The following VWC2 variants were observed in gnomAD, a reference collection of about 807,000 sequenced individuals.
VWC2 encodes the protein von Willebrand factor C domain containing 2.
VWC2 carries 14 observed loss-of-function variants against 29.8 expected under a neutral mutation model. The ratio of observed to expected loss-of-function variants is 0.47; its 90% CI spans 0.31 to 0.74. VWC2 has a LOEUF of 0.74. Among genes scored for constraint, VWC2 ranks in the 30% least tolerant of loss-of-function variants. The pLI is 0.05. For synonymous variants in VWC2, 213 were observed against 199.0 expected (o/e 1.07, Z -0.59); for missense variants, 457 against 459.8 (o/e 0.99, Z 0.05).
At position 49,856,079 on chromosome 7, in the gene VWC2, C is replaced by T. The variant is rs181889645; in HGVS notation, c.826+53239C>T. Among the ~76,000 whole-genome samples, 159 of 152,258 alleles carry T rather than the reference C, an allele frequency of 1.0e-3. 2 individuals carry two copies. Among genetic ancestry groups the T allele is most frequent in the African/African-American group, 3.8e-3 (157 of 41,544 alleles). On this transcript the variant is annotated intron_variant, in intron 3 of 3. Coordinates refer to ENST00000340652, the MANE Select transcript of VWC2 (RefSeq NM_198570.5). ...CAGGGCTGATGTTCCCTTCTGTCCC[C>T]GGAAACACCACCCTACTGGGAGGCA...
At chr7:49,878,749 C>T (rs1245420116) in intron 3 of VWC2, among the ~76,000 whole-genome samples, 1 of 152,120 alleles carries the variant, frequency 6.6e-6, no homozygotes, top group Non-Finnish European at 1.5e-5. Context: ...TCCTGTACTG[C>T]TGATATTTTA....
rs745714495 is a variant in VWC2 at position 49,921,720 on chromosome 7, AT to A, written c.*9538del. The A allele has an allele frequency of 9.9e-5, 15 of 152,204 alleles. No homozygotes were observed. Among genetic ancestry groups the A allele is most frequent in the Non-Finnish European group, 2.1e-4 (14 of 68,050 alleles). The allele number at this position is 152,204 out of a possible 1,614,324, so 9.4% of individuals were successfully genotyped here. A position where few individuals can be genotyped will look rare whatever the true frequency, so the allele number is the denominator to read the frequency against. ...TTTTGAAGATTCTAATAAATGAATA[AT>A]TTAATTTAGTGCTCATTTGAAAAAT... On this transcript the variant is annotated 3_prime_UTR_variant, in exon 4 of 4. Transcript: ENST00000340652.
At chr7:49,822,450 T>C (rs1324349113) in intron 3 of VWC2, among the ~76,000 whole-genome samples, 1 of 152,156 alleles carries the variant, frequency 6.6e-6, no homozygotes, top group East Asian at 1.9e-4. Flanking sequence ...TGTTTTTTGT[T>C]TGAGACGGAG....
rs1273873692 is a variant in VWC2, at chr7:49,912,777, T to C, written c.*592T>C. 2 of 152,428 alleles carry C rather than the reference T, an allele frequency of 1.3e-5. No individual in the cohort carries two copies. Among genetic ancestry groups the C allele is most frequent in the African/African-American group, 4.8e-5 (2 of 41,476 alleles). 9.4% of individuals were successfully genotyped at this position (152,428 alleles called of 1,614,324 possible). The stretch of plus-strand genomic sequence containing the variant: ...TAATATATGGCTTTTATCTGCTTCA[T>C]TCTCAGTCACTTGTGAAATGCAGGT... On this transcript the variant is annotated 3_prime_UTR_variant, in exon 4 of 4. Coordinates refer to ENST00000340652, the MANE Select transcript of VWC2 (RefSeq NM_198570.5).
chr7:49,888,649 C>T (rs1006439444), intron 3 of VWC2, among the ~76,000 whole-genome samples: 1 of 152,006 alleles, frequency 6.6e-6, no homozygotes, highest in Non-Finnish European at 1.5e-5. Flanking sequence ...GGTGGCTCAC[C>T]GCTGTAATCC....
At position 49,872,798 on chromosome 7, in the gene VWC2, C is replaced by T. The variant is rs576781939; in HGVS notation, c.827-39236C>T. 4.1e-5 allele frequency among the ~76,000 whole-genome samples: 6 copies of T among 147,858 alleles called. No individual in the cohort carries two copies. The South Asian group carries it at 1.1e-3, about 27-fold the overall frequency. On this transcript the variant is annotated intron_variant, in intron 3 of 3. Transcript: ENST00000340652. ...CGGTGTGGTGGCACACACCTGTAAT[C>T]CCAGCAACTTGGGATGTTGAAACAG...
At chr7:49,795,026 A>G (rs1414592571) in intron 2 of VWC2, among the ~76,000 whole-genome samples, 2 of 152,148 alleles carry the variant, frequency 1.3e-5, no homozygotes. Flanking sequence ...CCCTAACCAG[A>G]CTGAGCATTT....
chr7:49,827,429 T>TTATATTTGGTATAAAATTTGG (rs1554332711), intron 3 of VWC2, among the ~76,000 whole-genome samples: 2 of 141,646 alleles, frequency 1.4e-5, no homozygotes, highest in Non-Finnish European at 3.1e-5. Context: ...TTTTGGTATT[T>TTATATTTGGTATAAAATTTGG]TATACCAAAT....
intron 3 of VWC2, among the ~76,000 whole-genome samples, chr7:49,805,975 A>G (rs1299603551): frequency 6.6e-6 from 1 of 152,254 alleles, no homozygotes; most frequent in East Asian, 1.9e-4. Flanking sequence ...TTGAATATAA[A>G]TAAATGATCA....
chr7:49,829,584 G>T (rs1352540158), intron 3 of VWC2, among the ~76,000 whole-genome samples: 1 of 152,208 alleles, frequency 6.6e-6, no homozygotes, highest in Non-Finnish European at 1.5e-5. Context: ...TCCATGGCTG[G>T]TGCTCTTCTG....
rs564651715 is a variant in VWC2, at chr7:49,780,381, CA to C, written c.696+4251del. On this transcript the variant is annotated intron_variant, in intron 2 of 3. Transcript: ENST00000340652. Reference sequence around the variant, plus strand: ...GTTGTAAATTTTGCCTCAGTGGCCACATGATTTGTTCAGAAGCAAATCACAT... The same window carrying C: ...GTTGTAAATTTTGCCTCAGTGGCCACTGATTTGTTCAGAAGCAAATCACAT... 1.1e-4 allele frequency among the ~76,000 whole-genome samples: 17 copies of C among 152,208 alleles called. No homozygotes were observed. In the East Asian group the frequency reaches 2.3e-3, roughly 21 times the overall value.
At chr7:49,888,929 A>C (rs988191192) in intron 3 of VWC2, among the ~76,000 whole-genome samples, 2 of 152,030 alleles carry the variant, frequency 1.3e-5, no homozygotes, top group African/African-American at 4.8e-5. Context: ...ACAAAAACAA[A>C]AACAAAAAAA....
chr7:49,806,161 GT>G (rs1452374933), intron 3 of VWC2, among the ~76,000 whole-genome samples: 1 of 151,786 alleles, frequency 6.6e-6, no homozygotes. Flanking sequence ...CTTTTCTCTG[GT>G]GATAGGTGCA....
At position 49,775,602 on chromosome 7, in the gene VWC2, C is replaced by T. The variant is rs1788033269; in HGVS notation, c.167C>T (p.Pro56Leu). ...CGTGAGCACGCCTCTCGGGACGGCC[C>T]GGGGCGGGTGAACGAGCTCGGGCGC... is the stretch of plus-strand genomic sequence containing the variant. ...EKREHASRDG[P>L]GRVNELGRPA... Residue 56 changes from proline to leucine, a missense_variant, in exon 2 of 4, where the codon CCG becomes CTG. Coordinates refer to ENST00000340652, the MANE Select transcript of VWC2 (RefSeq NM_198570.5). 6.5e-7 allele frequency: 1 copy of T among 1,532,776 alleles called. No individual in the cohort carries two copies. 94.9% of individuals were successfully genotyped at this position (1,532,776 alleles called of 1,614,324 possible).
chr7:49,885,466 G>C (rs1446562985), intron 3 of VWC2, among the ~76,000 whole-genome samples: 1 of 152,090 alleles, frequency 6.6e-6, no homozygotes, highest in East Asian at 1.9e-4. Context: ...ATGTAAGATA[G>C]CAGATTAACT....
At position 49,912,243 on chromosome 7, in the gene VWC2, T is replaced by G; in HGVS notation, c.*58T>G. 1 of 1,572,210 alleles carries G rather than the reference T, an allele frequency of 6.4e-7. No individual in the cohort carries two copies. The highest frequency in any genetic ancestry group is 8.7e-7 in the Non-Finnish European group (1 of 1,151,356). On this transcript the variant is annotated 3_prime_UTR_variant, in exon 4 of 4. Transcript: ENST00000340652. ...TAGAACATTTTACTGATGTGAACAT[T>G]CTAGATGACTCTGGGAACTATCAGT...
At chr7:49,797,716 C>T (rs992961139) in intron 2 of VWC2, among the ~76,000 whole-genome samples, 1 of 152,174 alleles carries the variant, frequency 6.6e-6, no homozygotes, top group Admixed American at 6.5e-5. Flanking sequence ...AATAAATGAA[C>T]ACATAGAGAA....
chr7:49,840,666 T>G (rs1023230401), intron 3 of VWC2, among the ~76,000 whole-genome samples: 2 of 152,198 alleles, frequency 1.3e-5, no homozygotes, highest in African/African-American at 4.8e-5. Context: ...CCCATATTAC[T>G]AAGAAAATTG....
intron 3 of VWC2, among the ~76,000 whole-genome samples, chr7:49,822,927 T>C (rs570284610): frequency 6.6e-6 from 1 of 152,320 alleles, no homozygotes; most frequent in African/African-American, 2.4e-5. Context: ...AGATTTGAGA[T>C]TTTAAGCTTC....
Sources: gnomAD v4.1 joint callset for allele counts (sites outside exome capture counted in the v4.1 genomes callset) on GRCh38, gnomAD v4.1.1 for gene constraint, MANE v1.5 for transcripts, NCBI Gene and HGNC (gene_info 2026-07-23, HGNC 2026-07-21) for gene names.